NAV1: variants seen among roughly 807,000 people sequenced by gnomAD.
The protein encoded by NAV1 is neuron navigator 1.
Under a neutral mutation model 175.2 loss-of-function variants are expected in NAV1, and 18 were observed. The ratio of observed to expected loss-of-function variants is 0.10; its 90% CI spans 0.07 to 0.15. NAV1 has a LOEUF of 0.15. NAV1 is among the 10% of genes least tolerant of loss of function. The probability of loss-of-function intolerance (pLI) is 1.00; values close to 1 mark genes in which losing one functional copy is unlikely to be tolerated. For synonymous variants in NAV1, 897 were observed against 978.7 expected, an observed-to-expected ratio of 0.92 and a Z score of 1.56; for missense variants, 1,731 against 2,436.6, an observed-to-expected ratio of 0.71 and a Z score of 6.10.
intron 1 of NAV1, among the ~76,000 whole-genome samples, chr1:201,653,286 G>A (rs1222499901): frequency 6.6e-6 from 1 of 152,172 alleles, no homozygotes; most frequent in Non-Finnish European, 1.5e-5. Context: ...GGAAAAGGGG[G>A]CAAAGTGAGA....
intron 15 of NAV1, among the ~76,000 whole-genome samples, chr1:201,802,473 A>AAGAAAG (rs577790303): frequency 8.0e-5 from 9 of 113,084 alleles, no homozygotes; most frequent in South Asian, 3.6e-4. Flanking sequence ...AAAAAAAAAA[A>AAGAAAG]AAAGAAAGAA....
chr1:201,594,854 G>C (rs1184179549), intron 2 of NAV1, among the ~76,000 whole-genome samples: 2 of 152,224 alleles, frequency 1.3e-5, no homozygotes, highest in Non-Finnish European at 2.9e-5. Flanking sequence ...GCTGCTCCAG[G>C]ATTCAGAGAC....
At position 201,666,620 on chromosome 1, in the gene NAV1, A is replaced by G. The variant is rs185398721; in HGVS notation, c.757+17195A>G. Among the ~76,000 whole-genome samples, 57 of 152,300 alleles carry G rather than the reference A, an allele frequency of 3.7e-4. 1 individual carries two copies. Among genetic ancestry groups the G allele is most frequent in the Admixed American group, 3.5e-3 (54 of 15,308 alleles). On this transcript the variant is annotated intron_variant, in intron 1 of 29. Coordinates refer to ENST00000367296, the Ensembl canonical transcript of NAV1. ...GCCAGGGCCATCTCCCTCCATGCCTATCTCCCCAGCAGCCCACATCCTTGG... is the reference window on the plus strand; with the variant it reads ...GCCAGGGCCATCTCCCTCCATGCCTGTCTCCCCAGCAGCCCACATCCTTGG...
At chr1:201,616,460 C>A (rs924677521) in intron 2 of NAV1, among the ~76,000 whole-genome samples, 4 of 152,114 alleles carry the variant, frequency 2.6e-5, no homozygotes, top group Non-Finnish European at 5.9e-5. Context: ...ACAACTAAAT[C>A]CCCATGGTAC....
intron 1 of NAV1, among the ~76,000 whole-genome samples, chr1:201,708,963 A>T (rs1671782798): frequency 6.6e-6 from 1 of 151,974 alleles, no homozygotes; most frequent in African/African-American, 2.4e-5. Flanking sequence ...AGCTTGGGCA[A>T]CATGGCAAAA....
intron 29 of NAV1, 151 bp downstream of exon 33, chr1:201,817,436 G>A (rs1380753344): frequency 5.6e-5 from 36 of 645,444 alleles, no homozygotes. Flanking sequence ...AACATAATGA[G>A]ACCCTGTCTG....
intron 3 of NAV1, among the ~76,000 whole-genome samples, chr1:201,762,449 G>T (rs1674920972): frequency 6.6e-6 from 1 of 152,114 alleles, no homozygotes. Context: ...GCTGAGAGTG[G>T]ATTTCACATT....
chr1:201,759,431 C>T (rs889950625), intron 3 of NAV1, among the ~76,000 whole-genome samples: 9 of 152,144 alleles, frequency 5.9e-5, no homozygotes, highest in African/African-American at 2.2e-4. Flanking sequence ...TATCTAATGT[C>T]GAAAAGTATG....
At chr1:201,626,646 C>T (rs1173940093) in intron 1 of NAV1, among the ~76,000 whole-genome samples, 1 of 152,252 alleles carries the variant, frequency 6.6e-6, no homozygotes, top group Non-Finnish European at 1.5e-5. Context: ...AGCTTCACCA[C>T]AGCCCTTGCT....
intron 2 of NAV1, among the ~76,000 whole-genome samples, chr1:201,597,857 G>A (rs1193797886): frequency 6.6e-6 from 1 of 152,232 alleles, no homozygotes; most frequent in Non-Finnish European, 1.5e-5. Flanking sequence ...CCTCCCCTGT[G>A]AGGTGTGCCA....
intron 2 of NAV1, among the ~76,000 whole-genome samples, chr1:201,632,678 CT>C (rs1558027498): frequency 6.6e-6 from 1 of 152,228 alleles, no homozygotes; most frequent in Non-Finnish European, 1.5e-5. Flanking sequence ...ATGAAGGGAT[CT>C]TTTTCTCATC....
chr1:201,824,238 C>G (rs900299383), exon 30 of NAV1: 2 of 152,102 alleles, frequency 1.3e-5, no homozygotes, highest in Admixed American at 1.3e-4. Flanking sequence ...CATAAGCCAA[C>G]CCCTGTGATG....
chr1:201,584,728 C>G (rs1666975618), intron 1 of NAV1, among the ~76,000 whole-genome samples: 1 of 152,210 alleles, frequency 6.6e-6, no homozygotes, highest in African/African-American at 2.4e-5. Context: ...GCCCTGCTGA[C>G]AGGCTGGGCC....
At chr1:201,566,404 G>C (rs1436469347) in intron 1 of NAV1, among the ~76,000 whole-genome samples, 2 of 152,034 alleles carry the variant, frequency 1.3e-5, no homozygotes, top group African/African-American at 2.4e-5. Flanking sequence ...TATTGCTCAG[G>C]GTGCACACCC....
intron 2 of NAV1, among the ~76,000 whole-genome samples, chr1:201,589,924 G>A (rs996785992): frequency 5.3e-5 from 8 of 152,008 alleles, no homozygotes; most frequent in East Asian, 1.9e-4. Flanking sequence ...ATGGATTCTC[G>A]CTTTGTCACC....
intron 1 of NAV1, among the ~76,000 whole-genome samples, chr1:201,705,443 G>A (rs1437512350): frequency 6.6e-6 from 1 of 152,152 alleles, no homozygotes; most frequent in African/African-American, 2.4e-5. Flanking sequence ...CAACAGGAGT[G>A]CCATTGAGCG....
chr1:201,737,761 G>A (rs112764372), intron 3 of NAV1, among the ~76,000 whole-genome samples: 276 of 152,304 alleles, frequency 1.8e-3, no homozygotes, highest in East Asian at 0.013. Flanking sequence ...CACAAAGGAG[G>A]AAACCTTATG....
intron 17 of NAV1, among the ~76,000 whole-genome samples, chr1:201,804,766 C>G (rs898310525): frequency 1.6e-4 from 24 of 152,114 alleles, no homozygotes; most frequent in African/African-American, 5.1e-4. Context: ...CTACTATCTT[C>G]CCCTGTTACA....
chr1:201,595,898 TA>T (rs1667335127), intron 2 of NAV1, among the ~76,000 whole-genome samples: 1 of 152,262 alleles, frequency 6.6e-6, no homozygotes, highest in Non-Finnish European at 1.5e-5. Context: ...GGATGCTCAT[TA>T]ACTAACTGTG....
Sources: gnomAD v4.1 joint callset for allele counts (sites outside exome capture counted in the v4.1 genomes callset) on GRCh38, gnomAD v4.1.1 for gene constraint, MANE v1.5 for transcripts, NCBI Gene and HGNC (gene_info 2026-07-23, HGNC 2026-07-21) for gene names.